SLC11A2: variants seen among roughly 807,000 people sequenced by gnomAD.
SLC11A2 encodes the protein natural resistance-associated macrophage protein 2.
SLC11A2 carries 38 observed loss-of-function variants against 68.0 expected under a neutral mutation model. That is an observed-to-expected ratio of 0.56 (90% confidence interval 0.43 to 0.73). SLC11A2 has a LOEUF of 0.73. SLC11A2 is among the 30% of genes least tolerant of loss of function. The pLI, the probability that SLC11A2 is intolerant of heterozygous loss-of-function variation, is 0.00. For synonymous variants in SLC11A2, 242 were observed against 250.6 expected, an observed-to-expected ratio of 0.97 and a Z score of 0.32; for missense variants, 517 against 690.5, an observed-to-expected ratio of 0.75 and a Z score of 2.82.
chr12:50,964,530 T>C, the SLC11A2 span, among the ~76,000 whole-genome samples: 1 of 152,230 alleles, frequency 6.6e-6, no homozygotes, highest in Non-Finnish European at 1.5e-5. Context: ...TAAAGGGATG[T>C]CCTGTGTAAT....
At chr12:50,974,942 A>G (rs1939829415), downstream of SLC11A2, among the ~76,000 whole-genome samples, 1 of 152,232 alleles carries the variant, frequency 6.6e-6, no homozygotes, top group African/African-American at 2.4e-5. Context: ...AGAGCTAACT[A>G]TCTTAAATAT....
chr12:51,015,279 A>C (rs1943556955), intron 1 of SLC11A2, among the ~76,000 whole-genome samples: 1 of 151,398 alleles, frequency 6.6e-6, no homozygotes, highest in African/African-American at 2.4e-5. Context: ...AGTTCAAGAC[A>C]AGCCTGACCA....
chr12:50,979,706 T>G (rs769098557), downstream of SLC11A2: 2 of 380,960 alleles, frequency 5.2e-6, no homozygotes, highest in Non-Finnish European at 1.0e-5. Context: ...GAAGTAGAAA[T>G]GAGGAAATTT....
chr12:50,953,938 C>A, the SLC11A2 span: 1 of 1,021,356 alleles, frequency 9.8e-7, no homozygotes. Flanking sequence ...AGAGGAAAAA[C>A]AAATTATTTT....
downstream of SLC11A2, chr12:50,979,942 T>C (rs1939924986): frequency 4.4e-6 from 2 of 453,942 alleles, no homozygotes; most frequent in South Asian, 1.6e-5. Flanking sequence ...AAATGAGGAG[T>C]GAGCTGGATG....
intron 1 of SLC11A2, among the ~76,000 whole-genome samples, chr12:51,020,042 A>C (rs1943932682): frequency 6.6e-6 from 1 of 152,156 alleles, no homozygotes; most frequent in Non-Finnish European, 1.5e-5. Context: ...TTGAAGGTAT[A>C]AAGTCTGGTA....
intron 3 of SLC11A2, 29 bp from the exon 4 acceptor site, chr12:51,005,465 T>C: frequency 6.2e-7 from 1 of 1,612,028 alleles, no homozygotes; most frequent in Non-Finnish European, 8.5e-7. Context: ...GAGATTAAAC[T>C]GAACATCACC....
intron 7 of SLC11A2, 52 bp from the exon 8 acceptor site, chr12:50,999,293 G>A: frequency 6.2e-7 from 1 of 1,605,536 alleles, no homozygotes; most frequent in Non-Finnish European, 8.5e-7. Context: ...TTCCCCATCT[G>A]CCACATGACA....
At chr12:51,016,408 G>A (rs1943654263) in intron 1 of SLC11A2, among the ~76,000 whole-genome samples, 1 of 151,566 alleles carries the variant, frequency 6.6e-6, no homozygotes, top group Non-Finnish European at 1.5e-5. Flanking sequence ...TTAAAGCTAG[G>A]TGCAGTGGCT....
At position 50,992,086 on chromosome 12, in the gene SLC11A2, C is replaced by T. The variant is rs1044517755; in HGVS notation, c.1347+104G>A. 4 of 1,126,978 alleles carry T rather than the reference C, an allele frequency of 3.5e-6. No individual in the cohort carries two copies. In the African/African-American group the frequency reaches 6.1e-5, roughly 17 times the overall value. 69.8% of individuals were successfully genotyped at this position (1,126,978 alleles called of 1,614,324 possible). A position where few individuals can be genotyped will look rare whatever the true frequency, so the allele number is the denominator to read the frequency against. On this transcript the variant is annotated intron_variant, in intron 13 of 15. Coordinates refer to ENST00000262052, the MANE Select transcript of SLC11A2 (RefSeq NM_000617.3). ...CTGCAGACCACAACCATGCCTCTGT[C>T]TTCCTCTCAATATCCCCCCAGCACT... is the stretch of plus-strand genomic sequence containing the variant.
the SLC11A2 span, among the ~76,000 whole-genome samples, chr12:50,952,805 G>A: frequency 6.6e-6 from 1 of 152,164 alleles, no homozygotes; most frequent in Non-Finnish European, 1.5e-5. Flanking sequence ...CCGAAGGATG[G>A]CAAGAATCCT....
chr12:50,990,897 A>G lies in SLC11A2; in HGVS notation c.1473T>C (p.Asn491=). 6.2e-7 allele frequency: 1 copy of G among 1,614,004 alleles called. No individual in the cohort carries two copies. Among genetic ancestry groups the G allele is most frequent in the Non-Finnish European group, 8.5e-7 (1 of 1,179,884 alleles). Residue 491 remains asparagine, a synonymous_variant, in exon 15 of 16, where the codon AAT becomes AAC. Transcript: ENST00000262052. ...GILVLIICSI[N]MYFVVVYVRD... is the part of the protein sequence containing the mutation. ...GGACATAAACCACTACAAAGTACAT[A>G]TTGATGGAACAGATGATAAGGACCA...
intron 1 of SLC11A2, among the ~76,000 whole-genome samples, chr12:51,020,384 AGTC>A (rs1943958176): frequency 6.6e-6 from 1 of 152,212 alleles, no homozygotes; most frequent in Non-Finnish European, 1.5e-5. Flanking sequence ...AGAAAAAAAA[AGTC>A]AGGTTGAAGA....
the SLC11A2 span, among the ~76,000 whole-genome samples, chr12:50,962,494 G>C: frequency 6.6e-6 from 1 of 152,046 alleles, no homozygotes; most frequent in East Asian, 1.9e-4. Flanking sequence ...AGGGTCAGGA[G>C]TTCAAGACCA....
chr12:50,984,708 G>A (rs1940379230), downstream of SLC11A2, among the ~76,000 whole-genome samples: 1 of 152,180 alleles, frequency 6.6e-6, no homozygotes, highest in African/African-American at 2.4e-5. Flanking sequence ...AGAGGGCCCT[G>A]TCCATTCTCT....
At chr12:51,022,992 T>C (rs1052510252) in intron 1 of SLC11A2, among the ~76,000 whole-genome samples, 5 of 152,254 alleles carry the variant, frequency 3.3e-5, no homozygotes, top group Admixed American at 6.5e-5. Context: ...TGGCCAATTG[T>C]TTTATATTCC....
chr12:51,013,876 T>C (rs1592421705), intron 1 of SLC11A2, among the ~76,000 whole-genome samples: 2 of 151,842 alleles, frequency 1.3e-5, no homozygotes, highest in Admixed American at 6.6e-5. Flanking sequence ...GGCTGGAGTG[T>C]AGTGGTGCGA....
Position 50,987,934 on chromosome 12 carries a change from A to G in SLC11A2, c.*391T>C. ...ACATTTTGATAAATAAAACTTGCAT[A>G]CTCATTCTGTAGTTTGTATAATAAA... is the stretch of plus-strand genomic sequence containing the variant. On this transcript the variant is annotated 3_prime_UTR_variant, in exon 16 of 16. Coordinates refer to ENST00000262052, the MANE Select transcript of SLC11A2 (RefSeq NM_000617.3). 1 of 1,280,086 alleles carries G rather than the reference A, an allele frequency of 7.8e-7. No individual in the cohort carries two copies. The highest frequency in any genetic ancestry group is 1.3e-5 in the South Asian group (1 of 79,514). The allele number at this position is 1,280,086 out of a possible 1,614,324, so 79.3% of individuals were successfully genotyped here.
At chr12:50,983,882 T>C (rs1363837008), downstream of SLC11A2, among the ~76,000 whole-genome samples, 1 of 151,886 alleles carries the variant, frequency 6.6e-6, no homozygotes, top group Non-Finnish European at 1.5e-5. Flanking sequence ...GCAGGAGAAT[T>C]GCTTGAACCT....
Sources: allele counts gnomAD v4.1 joint callset (sites outside exome capture counted in the v4.1 genomes callset), GRCh38; gene constraint gnomAD v4.1.1; transcripts MANE v1.5; gene names NCBI Gene and HGNC (gene_info 2026-07-23, HGNC 2026-07-21).